PPAT: variants seen among roughly 807,000 people sequenced by gnomAD.
PPAT encodes the protein amidophosphoribosyltransferase.
In PPAT, 20 loss-of-function variants were observed where a neutral mutation model predicts 60.2. That is an observed-to-expected ratio of 0.33 (90% confidence interval 0.23 to 0.48). The LOEUF (loss-of-function observed/expected upper bound fraction) is 0.48, where lower values mean the gene tolerates loss of function less well. PPAT is among the 20% of genes least tolerant of loss of function. The pLI, the probability that PPAT is intolerant of heterozygous loss-of-function variation, is 0.99. For missense variants in PPAT, 349 were observed against 629.6 expected (o/e 0.55, Z 4.77); for synonymous variants, 194 against 215.1 (o/e 0.90, Z 0.86).
At chr4:56,434,414 G>A (rs367907184) in intron 1 of PPAT, among the ~76,000 whole-genome samples, 82 of 152,294 alleles carry the variant, frequency 5.4e-4, no homozygotes, top group Middle Eastern at 3.4e-3. Context: ...TATGGAAACT[G>A]TAATACTTTC....
intron 1 of PPAT, among the ~76,000 whole-genome samples, chr4:56,413,748 T>A (rs1347547960): frequency 6.6e-6 from 1 of 151,818 alleles, no homozygotes; most frequent in African/African-American, 2.4e-5. Context: ...ATACAAAAAA[T>A]TTGCTGGGCT....
Position 56,396,461 on chromosome 4 carries a change from A to G in PPAT, c.1357+158T>C. 1.5e-6 allele frequency: 1 copy of G among 663,982 alleles called. No individual in the cohort carries two copies. The highest frequency in any genetic ancestry group is 2.3e-6 in the Non-Finnish European group (1 of 429,148). 41.1% of individuals were successfully genotyped at this position (663,982 alleles called of 1,614,324 possible). On this transcript the variant is annotated intron_variant, in intron 10 of 10. Coordinates refer to ENST00000264220, the MANE Select transcript of PPAT (RefSeq NM_002703.5). This position sits in a 1 kb window ranked among gnomAD's most constrained non-coding sequence, Gnocchi z 4.6. ...GACTCTGTGGTGTCTGCCCATGCCC[A>G]CTACTCTCACTGTTGAGAATAGTAT... is the stretch of plus-strand genomic sequence containing the variant.
At chr4:56,422,741 ATTATG>A (rs750395689) in intron 1 of PPAT, 11 of 152,190 alleles carry the variant, frequency 7.2e-5, no homozygotes, top group African/African-American at 1.9e-4. Flanking sequence ...TACCTAAGAA[ATTATG>A]TTATAACATT....
In PPAT at chr4:56,434,097, A is replaced by T. The variant is rs183121431; in HGVS notation, c.128+1253T>A. 6.3e-3 allele frequency among the ~76,000 whole-genome samples: 962 copies of T among 152,034 alleles called. 10 individuals carry two copies. The highest frequency in any genetic ancestry group is 0.021 in the African/African-American group (861 of 41,468). On this transcript the variant is annotated intron_variant, in intron 1 of 10. Coordinates refer to ENST00000264220, the MANE Select transcript of PPAT (RefSeq NM_002703.5). ...CTAATTTTCTCAATAAACTTTTTTT[A>T]AAAAAAACAAGAAATCTATTATGGT... is the stretch of plus-strand genomic sequence containing the variant.
chr4:56,420,940 C>T (rs1463083395), intron 1 of PPAT: 1 of 149,804 alleles, frequency 6.7e-6, no homozygotes, highest in East Asian at 2.0e-4. Flanking sequence ...TTGAAGTAAC[C>T]AAGTGTCTTC....
chr4:56,406,873 G>A (rs1716255068), intron 2 of PPAT, among the ~76,000 whole-genome samples, 172 bp from the exon 3 acceptor site: 1 of 152,098 alleles, frequency 6.6e-6, no homozygotes, highest in Non-Finnish European at 1.5e-5. Flanking sequence ...CTAATTGTAA[G>A]AACTGTGAAG....
intron 1 of PPAT, among the ~76,000 whole-genome samples, chr4:56,409,446 T>C (rs914049667): frequency 6.0e-5 from 9 of 150,140 alleles, no homozygotes; most frequent in African/African-American, 2.2e-4. Context: ...CTCCAATAAA[T>C]AGCACTTTTG....
intron 1 of PPAT, chr4:56,422,931 T>C (rs920964829): frequency 1.3e-5 from 2 of 148,972 alleles, no homozygotes; most frequent in African/African-American, 5.0e-5. Flanking sequence ...AACTCTGGTG[T>C]TGGGGCCTAG....
chr4:56,435,496 T>C lies in PPAT; in HGVS notation c.-19A>G, dbSNP rs778956686. On this transcript the variant is annotated 5_prime_UTR_variant, in exon 1 of 11. Transcript: ENST00000264220. ...GCTCCATGTCGCCGCCGAAAGCACG[T>C]GGAAGGACCTGCCGCTGCGGCCAAG... 2.5e-6 allele frequency: 4 copies of C among 1,612,752 alleles called. No individual in the cohort carries two copies. Among genetic ancestry groups the C allele is most frequent in the East Asian group, 2.2e-5 (1 of 44,860 alleles).
Position 56,399,069 on chromosome 4 carries a change from GTTAA to G in PPAT, c.1236+106_1236+109del, listed in dbSNP as rs1716052690. ...TTCCTAAACCAAACTGATAAAAAAAGTTAATTTATTATATTGAACATCCATTTTG... is the reference window on the plus strand; with the variant it reads ...TTCCTAAACCAAACTGATAAAAAAAGTTTATTATATTGAACATCCATTTTG... On this transcript the variant is annotated intron_variant, in intron 9 of 10. Transcript: ENST00000264220. 1.7e-5 allele frequency: 16 copies of G among 921,874 alleles called. No homozygotes were observed. In the South Asian group the frequency reaches 2.7e-4, roughly 16 times the overall value. 57.1% of individuals were successfully genotyped at this position (921,874 alleles called of 1,614,324 possible).
chr4:56,394,815 A>G lies in PPAT; in HGVS notation c.*537T>C, dbSNP rs1283706268. On this transcript the variant is annotated 3_prime_UTR_variant, in exon 11 of 11. Coordinates refer to ENST00000264220, the MANE Select transcript of PPAT (RefSeq NM_002703.5). ...TATTCACATTCTTATTAATTATTTAATAAGTATCCCATTGCACATGTGGGG... is the reference window on the plus strand; with the variant it reads ...TATTCACATTCTTATTAATTATTTAGTAAGTATCCCATTGCACATGTGGGG... 1 of 144,066 alleles carries G rather than the reference A, an allele frequency of 6.9e-6. No homozygotes were observed. The highest frequency in any genetic ancestry group is 1.5e-5 in the Non-Finnish European group (1 of 67,964). 8.9% of individuals were successfully genotyped at this position (144,066 alleles called of 1,614,324 possible). A position where few individuals can be genotyped will look rare whatever the true frequency, so the allele number is the denominator to read the frequency against.
At chr4:56,403,995 G>A (rs1281575790) in intron 3 of PPAT, 1 of 438,138 alleles carries the variant, frequency 2.3e-6, no homozygotes, top group South Asian at 1.6e-5. Context: ...ACCTCCTGCT[G>A]TGTGGCCTGG....
At chr4:56,402,004 A>G (rs1034844481) in intron 6 of PPAT, 105 bp downstream of exon 6, 1 of 807,028 alleles carries the variant, frequency 1.2e-6, no homozygotes, top group Non-Finnish European at 1.9e-6. Flanking sequence ...TTTCTTGCAG[A>G]CATCAAAAAG....
chr4:56,411,824 G>T (rs1272366688), intron 1 of PPAT, among the ~76,000 whole-genome samples: 4 of 152,160 alleles, frequency 2.6e-5, no homozygotes, highest in African/African-American at 9.7e-5. Flanking sequence ...TGTGAATGGG[G>T]TTAAGAGGAC....
intron 1 of PPAT, chr4:56,408,126 G>A (rs1443041276): frequency 6.2e-6 from 1 of 162,352 alleles, no homozygotes; most frequent in Non-Finnish European, 1.4e-5. Context: ...TCTATACAAT[G>A]ACTAGAGAGA....
chr4:56,398,428 G>A (rs66810706), intron 9 of PPAT, among the ~76,000 whole-genome samples: 33,217 of 151,986 alleles, frequency 0.22, 4,109 homozygotes, highest in East Asian at 0.39. Flanking sequence ...TTGGCTGCAT[G>A]TCTTCAAGTA....
intron 3 of PPAT, chr4:56,404,111 TA>T (rs1716185812): frequency 2.7e-6 from 1 of 374,234 alleles, no homozygotes; most frequent in Non-Finnish European, 5.6e-6. Flanking sequence ...CTGGAGGCAA[TA>T]GGAAATCTAG....
At chr4:56,415,348 T>C (rs1475058171) in intron 1 of PPAT, among the ~76,000 whole-genome samples, 4 of 152,240 alleles carry the variant, frequency 2.6e-5, no homozygotes, top group Non-Finnish European at 5.9e-5. Context: ...ATAATTCATC[T>C]TCATGTGTCA....
At chr4:56,407,517 C>T (rs1169895419) in intron 2 of PPAT, 133 bp downstream of exon 2, 2 of 635,844 alleles carry the variant, frequency 3.1e-6, no homozygotes, top group Non-Finnish European at 2.8e-6. Context: ...AGGGTTTCTC[C>T]ATGTTGGTCA....
Sources: allele counts gnomAD v4.1 joint callset (sites outside exome capture counted in the v4.1 genomes callset), GRCh38; gene constraint gnomAD v4.1.1; non-coding constraint Gnocchi (gnomAD v3.1); transcripts MANE v1.5; gene names NCBI Gene and HGNC (gene_info 2026-07-23, HGNC 2026-07-21).